The following KIAA1549 variants were observed in gnomAD, a reference collection of about 807,000 sequenced individuals.
KIAA1549 encodes the protein UPF0606 protein KIAA1549.
In KIAA1549, 70 loss-of-function variants were observed where a neutral mutation model predicts 156.4. That is an observed-to-expected ratio of 0.45 (90% CI 0.37 to 0.55). KIAA1549 has a LOEUF of 0.55. Ranked by LOEUF, KIAA1549 falls within the 20% of genes least tolerant of loss-of-function variation. KIAA1549 has a pLI of 0.00. For synonymous variants in KIAA1549, 1,103 were observed against 1,066.4 expected (o/e 1.03, Z -0.67); for missense variants, 2,428 against 2,540.9 (o/e 0.96, Z 0.96).
At chr7:138,897,866 C>G (rs929674542) in intron 9 of KIAA1549, among the ~76,000 whole-genome samples, 2 of 117,706 alleles carry the variant, frequency 1.7e-5, no homozygotes, top group Non-Finnish European at 3.2e-5. Flanking sequence ...GCACTCCAGC[C>G]TGGGTGACAG....
At chr7:138,868,423 T>G (rs1240473354) in intron 14 of KIAA1549, among the ~76,000 whole-genome samples, 1 of 152,098 alleles carries the variant, frequency 6.6e-6, no homozygotes, top group Non-Finnish European at 1.5e-5. Flanking sequence ...ACTAGGTCTT[T>G]TTTATTTTAT....
At chr7:138,971,422 C>T (rs112153864) in intron 1 of KIAA1549, among the ~76,000 whole-genome samples, 3,210 of 152,276 alleles carry the variant, frequency 0.021, 57 homozygotes, top group Non-Finnish European at 0.029. Flanking sequence ...TGCCCTAGAT[C>T]CCATCCCTTC....
intron 18 of KIAA1549, among the ~76,000 whole-genome samples, chr7:138,843,626 C>G (rs1293730061): frequency 6.6e-6 from 1 of 151,988 alleles, no homozygotes; most frequent in East Asian, 1.9e-4. Context: ...TGTATAATTT[C>G]TATATTCGTT....
intron 12 of KIAA1549, among the ~76,000 whole-genome samples, chr7:138,876,203 G>A (rs1159963600): frequency 6.6e-6 from 1 of 152,118 alleles, no homozygotes; most frequent in African/African-American, 2.4e-5. Context: ...CCTTGAAAAG[G>A]TCTCTAGGAA....
Position 138,903,839 on chromosome 7 carries a change from GTGTGTGTGTGT to G in KIAA1549, c.3521-114_3521-104del, listed in dbSNP as rs1319997869. 3 of 579,238 alleles carry G rather than the reference GTGTGTGTGTGT, an allele frequency of 5.2e-6. No homozygotes were observed. In the East Asian group the frequency reaches 1.4e-4, roughly 28 times the overall value. 35.9% of individuals were successfully genotyped at this position (579,238 alleles called of 1,614,324 possible). A position where few individuals can be genotyped will look rare whatever the true frequency, so the allele number is the denominator to read the frequency against. On this transcript the variant is annotated intron_variant, in intron 7 of 19. Coordinates refer to ENST00000422774, the MANE Select transcript of KIAA1549 (RefSeq NM_001164665.2). Reference sequence around the variant, plus strand: ...TGTGTGTGTGTGTGTGTGTGTGTGTGTGTGTGTGTGTGTGCGCGCGCGCGCGCGCGCACATA... The same window carrying G: ...TGTGTGTGTGTGTGTGTGTGTGTGTGGTGCGCGCGCGCGCGCGCGCACATA...
rs2130334450 is a variant in KIAA1549 at position 138,844,439 on chromosome 7, T to C, written c.5330A>G (p.Glu1777Gly). The C allele has an allele frequency of 3.2e-6, 5 of 1,556,718 alleles. No individual in the cohort carries two copies. In the Admixed American group the frequency reaches 8.1e-5, roughly 25 times the overall value. The change falls in exon 18 of 20, where the codon GAG becomes GGG. Residue 1777 changes from glutamate (E) to glycine (G), a missense_variant. By Grantham distance (98) the Glu-to-Gly change is moderately conservative. Coordinates refer to ENST00000422774, the MANE Select transcript of KIAA1549 (RefSeq NM_001164665.2). The stretch of plus-strand genomic sequence containing the variant: ...CTGCTGAGGGTCAGGGGGCACCAGC[T>C]CTGTAGACTGCAGCAAACCGGGGCC... ...GFGPGLLQST[E>G]LVPPDPQQPQ...
intron 4 of KIAA1549, among the ~76,000 whole-genome samples, chr7:138,910,530 T>C (rs1223847187): frequency 6.6e-6 from 1 of 151,496 alleles, no homozygotes; most frequent in Non-Finnish European, 1.5e-5. Flanking sequence ...CCCAAGTCAC[T>C]GGGATTACAG....
intron 18 of KIAA1549, among the ~76,000 whole-genome samples, chr7:138,843,574 A>C (rs1056766012): frequency 1.3e-5 from 2 of 152,218 alleles, no homozygotes; most frequent in Admixed American, 1.3e-4. Flanking sequence ...ATTTCACCTA[A>C]TAGAAATTTA....
At chr7:138,891,666 T>G (rs1387627139) in intron 10 of KIAA1549, among the ~76,000 whole-genome samples, 3 of 152,028 alleles carry the variant, frequency 2.0e-5, no homozygotes, top group Non-Finnish European at 4.4e-5. Flanking sequence ...GTCAGCAGAT[T>G]TATTGTTTCC....
Position 138,918,244 on chromosome 7 carries a change from ATGC to A in KIAA1549, c.1379_1381del (p.Ser460del). 8 of 1,613,980 alleles carry A rather than the reference ATGC, an allele frequency of 5.0e-6. No homozygotes were observed. Among genetic ancestry groups the A allele is most frequent in the Non-Finnish European group, 5.1e-6 (6 of 1,179,886 alleles). On this transcript the variant is annotated inframe_deletion, in exon 2 of 20. Coordinates refer to ENST00000422774, the MANE Select transcript of KIAA1549 (RefSeq NM_001164665.2). The surrounding 1 kb of genome is among the most constrained non-coding windows in gnomAD (Gnocchi z 4.2). ...TGCTACGACGCTACTCATTAGAGAG[ATGC>A]TGCTTTCTTCCAGCACGGTCATGCA...
chr7:138,898,188 TC>T (rs1460667467), intron 9 of KIAA1549, among the ~76,000 whole-genome samples: 1 of 150,644 alleles, frequency 6.6e-6, no homozygotes, highest in Non-Finnish European at 1.5e-5. Flanking sequence ...GCTCCTGTAG[TC>T]CCAGCTACTT....
chr7:138,879,186 A>T (rs534481737), intron 12 of KIAA1549, among the ~76,000 whole-genome samples: 1 of 152,330 alleles, frequency 6.6e-6, no homozygotes, highest in South Asian at 2.1e-4. Context: ...ACAGTTGTGA[A>T]TCCTGGAATT....
intron 1 of KIAA1549, among the ~76,000 whole-genome samples, chr7:138,946,452 C>G (rs1813340054): frequency 6.6e-6 from 1 of 152,116 alleles, no homozygotes; most frequent in Non-Finnish European, 1.5e-5. Context: ...GGAAAAGTCT[C>G]ACAAACTAAA....
chr7:138,889,956 A>G (rs999675379), intron 10 of KIAA1549, among the ~76,000 whole-genome samples: 1 of 152,234 alleles, frequency 6.6e-6, no homozygotes, highest in Non-Finnish European at 1.5e-5. Context: ...TGGCTGGTAT[A>G]CAATGTCTCC....
intron 9 of KIAA1549, among the ~76,000 whole-genome samples, chr7:138,897,355 A>G (rs1167297548): frequency 6.6e-6 from 1 of 152,210 alleles, no homozygotes; most frequent in African/African-American, 2.4e-5. Context: ...AATTATGCCC[A>G]TCAGCTCTCA....
At chr7:138,876,705 A>G (rs1281351864) in intron 12 of KIAA1549, among the ~76,000 whole-genome samples, 1 of 152,236 alleles carries the variant, frequency 6.6e-6, no homozygotes, top group East Asian at 1.9e-4. Flanking sequence ...CAGACGCAGC[A>G]ATGGCAGCCC....
intron 1 of KIAA1549, among the ~76,000 whole-genome samples, chr7:138,941,105 A>C (rs759186779): frequency 7.2e-5 from 11 of 152,136 alleles, no homozygotes; most frequent in Non-Finnish European, 1.5e-4. Context: ...ATTTAAAAAG[A>C]TGTTCCAACA....
At chr7:138,864,115 G>A (rs942183533) in intron 15 of KIAA1549, among the ~76,000 whole-genome samples, 3 of 152,212 alleles carry the variant, frequency 2.0e-5, no homozygotes, top group African/African-American at 7.2e-5. Flanking sequence ...TCCAGAAACA[G>A]AAGCGATGTT....
chr7:138,958,333 G>A (rs1028418420), intron 1 of KIAA1549, among the ~76,000 whole-genome samples: 7 of 152,228 alleles, frequency 4.6e-5, no homozygotes, highest in Admixed American at 6.5e-5. Context: ...ACCAAGGGAC[G>A]GGCAACTATC....
Sources: allele counts gnomAD v4.1 joint callset (sites outside exome capture counted in the v4.1 genomes callset), GRCh38; gene constraint gnomAD v4.1.1; non-coding constraint Gnocchi (gnomAD v3.1); transcripts MANE v1.5; gene names NCBI Gene and HGNC (gene_info 2026-07-23, HGNC 2026-07-21).